Variants in HOMER2 observed in about 807,000 individuals in gnomAD.
HOMER2 encodes homer scaffold protein 2.
HOMER2 carries 27 observed loss-of-function variants against 47.0 expected under a neutral mutation model. The ratio of observed to expected loss-of-function variants is 0.57; its 90% CI spans 0.42 to 0.79. The LOEUF is 0.79. Ranked by LOEUF, HOMER2 falls within the 30% of genes least tolerant of loss-of-function variation. The probability of loss-of-function intolerance (pLI) is 0.00; values close to 1 mark genes in which losing one functional copy is unlikely to be tolerated. For synonymous variants in HOMER2, 161 were observed against 163.8 expected, an observed-to-expected ratio of 0.98 and a Z score of 0.13; for missense variants, 443 against 435.0, an observed-to-expected ratio of 1.02 and a Z score of -0.16.
At chr15:82,946,758 C>G (rs907550909) in intron 1 of HOMER2, among the ~76,000 whole-genome samples, 1 of 152,160 alleles carries the variant, frequency 6.6e-6, no homozygotes, top group Non-Finnish European at 1.5e-5. Flanking sequence ...TATTTACACA[C>G]TCATTCAATA....
chr15:82,960,017 C>T (rs1020677483), intron 1 of HOMER2, among the ~76,000 whole-genome samples: 1 of 152,090 alleles, frequency 6.6e-6, no homozygotes, highest in African/African-American at 2.4e-5. Flanking sequence ...AGCAGCACAA[C>T]GAGAAGGTGC....
At chr15:82,944,044 A>C (rs1211693141) in intron 1 of HOMER2, among the ~76,000 whole-genome samples, 1 of 152,158 alleles carries the variant, frequency 6.6e-6, no homozygotes, top group Admixed American at 6.5e-5. Context: ...TATGAATAAA[A>C]ATTTTTTTTT....
intron 3 of HOMER2, among the ~76,000 whole-genome samples, chr15:82,864,614 G>A (rs574501486): frequency 3.3e-5 from 5 of 152,226 alleles, no homozygotes; most frequent in African/African-American, 7.2e-5. Flanking sequence ...TTTTTTTCTA[G>A]ATGAATACTA....
At chr15:82,902,808 T>C (rs916985805) in intron 1 of HOMER2, among the ~76,000 whole-genome samples, 3 of 152,252 alleles carry the variant, frequency 2.0e-5, no homozygotes, top group Non-Finnish European at 4.4e-5. Flanking sequence ...AGGGCTTTTA[T>C]ATTCATCTAC....
At chr15:82,954,512 A>G (rs1436529175), upstream of HOMER2, among the ~76,000 whole-genome samples, 5 of 147,236 alleles carry the variant, frequency 3.4e-5, no homozygotes, top group Non-Finnish European at 6.0e-5. Flanking sequence ...CCATGTTTCG[A>G]TCTCCTGACC....
intron 1 of HOMER2, among the ~76,000 whole-genome samples, chr15:82,938,878 TC>T (rs2054199256): frequency 6.6e-6 from 1 of 152,104 alleles, no homozygotes; most frequent in Non-Finnish European, 1.5e-5. Context: ...CAGCCTCCTC[TC>T]CCCTGGCTTC....
upstream of HOMER2, among the ~76,000 whole-genome samples, chr15:82,957,694 A>G (rs1330056901): frequency 6.6e-6 from 1 of 152,170 alleles, no homozygotes; most frequent in Non-Finnish European, 1.5e-5. Context: ...GCTGTTTCCA[A>G]TCAGGCCAAG....
intron 1 of HOMER2, among the ~76,000 whole-genome samples, chr15:82,925,105 T>C (rs1229433475): frequency 6.6e-6 from 1 of 152,180 alleles, no homozygotes; most frequent in Non-Finnish European, 1.5e-5. Flanking sequence ...TCTCAGGCCT[T>C]AAGGAATGAT....
Position 82,892,799 on chromosome 15 carries a change from A to C in HOMER2, c.48T>G (p.Ile16Met), listed in dbSNP as rs374856836. Reference protein sequence around the residue: ...IFTTRAHVFQIDPNTKKNWMP... With the variant: ...IFTTRAHVFQMDPNTKKNWMP... ...TCCAGTTCTTCTTGGTGTTGGGGTC[A>C]ATCTGGAAGACATGCGCTCGGGTGG... Residue 16 changes from isoleucine to methionine, a missense_variant, in exon 2 of 9, where the codon ATT becomes ATG. Transcript: ENST00000450735. The C allele has an allele frequency of 6.2e-7, 1 of 1,604,694 alleles. No homozygotes were observed. Among genetic ancestry groups the C allele is most frequent in the Admixed American group, 1.7e-5 (1 of 59,880 alleles).
At chr15:82,939,305 C>T (rs778011978) in intron 1 of HOMER2, among the ~76,000 whole-genome samples, 4 of 152,220 alleles carry the variant, frequency 2.6e-5, no homozygotes, top group Non-Finnish European at 5.9e-5. Flanking sequence ...ATCCTAACAA[C>T]CAAGAGTGGA....
chr15:82,859,942 A>C (rs2051719351), intron 4 of HOMER2, among the ~76,000 whole-genome samples: 1 of 152,184 alleles, frequency 6.6e-6, no homozygotes, highest in Non-Finnish European at 1.5e-5. Flanking sequence ...TATATACAGC[A>C]GTACATATGA....
rs74028598 is a variant in HOMER2, at chr15:82,853,981, G to A, written c.651+663C>T. 2.7e-3 allele frequency among the ~76,000 whole-genome samples: 413 copies of A among 152,264 alleles called. 1 individual carries two copies. The highest frequency in any genetic ancestry group is 9.4e-3 in the African/African-American group (389 of 41,552). On this transcript the variant is annotated intron_variant, in intron 6 of 8. Transcript: ENST00000450735. Reference sequence around the variant, plus strand: ...AGTCTGTTTCTCACCTACCCTCTGGGTCCCCTTCCTCCACGGAGGGTCACT... The same window carrying A: ...AGTCTGTTTCTCACCTACCCTCTGGATCCCCTTCCTCCACGGAGGGTCACT...
intron 1 of HOMER2, among the ~76,000 whole-genome samples, chr15:82,968,702 CTG>C (rs1373080316): frequency 4.5e-4 from 68 of 152,364 alleles, no homozygotes; most frequent in Admixed American, 4.0e-3. Context: ...TCATTTCAGA[CTG>C]TGTTTCACAC....
At chr15:82,850,772 C>T (rs903415969) in intron 8 of HOMER2, among the ~76,000 whole-genome samples, 1 of 152,192 alleles carries the variant, frequency 6.6e-6, no homozygotes, top group Non-Finnish European at 1.5e-5. Flanking sequence ...GGGAGGAAGG[C>T]CTGCCCAAGG....
At chr15:82,900,754 C>T (rs903241480) in intron 1 of HOMER2, among the ~76,000 whole-genome samples, 29 of 152,296 alleles carry the variant, frequency 1.9e-4, no homozygotes, top group African/African-American at 6.7e-4. Flanking sequence ...ATCTGCTGGA[C>T]CTTAGCCAGA....
At chr15:82,964,563 C>T (rs1185562299) in intron 1 of HOMER2, among the ~76,000 whole-genome samples, 1 of 152,124 alleles carries the variant, frequency 6.6e-6, no homozygotes, top group Non-Finnish European at 1.5e-5. Flanking sequence ...GTCAGGAGTT[C>T]GAGACCAGCC....
At chr15:82,940,124 G>A (rs796519504) in intron 1 of HOMER2, among the ~76,000 whole-genome samples, 1 of 152,044 alleles carries the variant, frequency 6.6e-6, no homozygotes, top group Non-Finnish European at 1.5e-5. Context: ...TGTAAATGAC[G>A]AGTTAATGGG....
At chr15:82,921,111 A>G (rs1272123744) in intron 1 of HOMER2, among the ~76,000 whole-genome samples, 3 of 152,196 alleles carry the variant, frequency 2.0e-5, no homozygotes, top group Non-Finnish European at 2.9e-5. Flanking sequence ...GCTGGCCAAC[A>G]TGGGGAAACC....
chr15:82,918,610 T>C (rs1408530845), intron 1 of HOMER2, among the ~76,000 whole-genome samples: 2 of 152,122 alleles, frequency 1.3e-5, no homozygotes, highest in Admixed American at 1.3e-4. Flanking sequence ...CCTGAATGTG[T>C]ACCTCCAGCC....
Sources: gnomAD v4.1 joint callset for allele counts (sites outside exome capture counted in the v4.1 genomes callset) on GRCh38, gnomAD v4.1.1 for gene constraint, MANE v1.5 for transcripts, NCBI Gene and HGNC (gene_info 2026-07-23, HGNC 2026-07-21) for gene names.